The following MAGI1 variants were observed in gnomAD, a reference collection of about 807,000 sequenced individuals.
MAGI1 encodes membrane associated guanylate kinase, WW and PDZ domain containing 1.
MAGI1 carries 58 observed loss-of-function variants against 139.9 expected under a neutral mutation model. The ratio of observed to expected loss-of-function variants is 0.41; its 90% CI spans 0.34 to 0.52. The LOEUF (loss-of-function observed/expected upper bound fraction) is 0.52, where lower values mean the gene tolerates loss of function less well. Among genes scored for constraint, MAGI1 ranks in the 20% least tolerant of loss-of-function variants. The pLI is 0.12. For synonymous variants in MAGI1, 812 were observed against 737.9 expected (o/e 1.10, Z -1.63); for missense variants, 1,874 against 1,901.6 (o/e 0.99, Z 0.27).
At chr3:65,890,507 T>G (rs1211263213) in intron 1 of MAGI1, among the ~76,000 whole-genome samples, 1 of 152,194 alleles carries the variant, frequency 6.6e-6, no homozygotes, top group African/African-American at 2.4e-5. Context: ...TCAACAATAT[T>G]TTTCTCATTT....
chr3:65,819,430 C>T (rs890802970), intron 1 of MAGI1, among the ~76,000 whole-genome samples: 2 of 152,190 alleles, frequency 1.3e-5, no homozygotes, highest in Admixed American at 1.3e-4. Context: ...TCCACCCTCA[C>T]ATTGGTCATC....
intron 1 of MAGI1, among the ~76,000 whole-genome samples, chr3:65,680,645 T>C (rs2087520616): frequency 6.6e-6 from 1 of 152,150 alleles, no homozygotes; most frequent in Non-Finnish European, 1.5e-5. Flanking sequence ...GGTCTTGAAC[T>C]CCTGAACTCA....
chr3:65,799,367 C>G (rs1227294743), intron 1 of MAGI1, among the ~76,000 whole-genome samples: 1 of 152,160 alleles, frequency 6.6e-6, no homozygotes, highest in Non-Finnish European at 1.5e-5. Context: ...AAGACTTCAG[C>G]AAGGGATCCC....
intron 1 of MAGI1, among the ~76,000 whole-genome samples, chr3:65,972,152 G>GA (rs1253166369): frequency 6.6e-6 from 1 of 152,156 alleles, no homozygotes; most frequent in Non-Finnish European, 1.5e-5. Flanking sequence ...TCTCTCATTT[G>GA]AAAAACTGAC....
chr3:65,429,487 A>G (rs766432158), intron 12 of MAGI1, 33 bp downstream of exon 12: 1 of 1,546,178 alleles, frequency 6.5e-7, no homozygotes, highest in Non-Finnish European at 8.7e-7. Context: ...TGGGATAAAA[A>G]AAAAATTCAA....
intron 2 of MAGI1, among the ~76,000 whole-genome samples, chr3:65,513,198 T>C: frequency 1.0e-4 from 2 of 19,472 alleles, no homozygotes. Flanking sequence ...ACAGCCAATA[T>C]CATACTGAAT....
intron 1 of MAGI1, among the ~76,000 whole-genome samples, chr3:65,735,694 G>A (rs2107755661): frequency 6.6e-6 from 1 of 152,168 alleles, no homozygotes; most frequent in Non-Finnish European, 1.5e-5. Flanking sequence ...ACCTACTGAA[G>A]ACAAAAAGAA....
intron 12 of MAGI1, among the ~76,000 whole-genome samples, chr3:65,408,037 G>C (rs748050793): frequency 4.6e-5 from 7 of 152,286 alleles, no homozygotes; most frequent in South Asian, 2.1e-4. Context: ...CTCAAGCAAA[G>C]CTGCACAGAA....
At chr3:65,488,084 G>T (rs1951741689) in intron 3 of MAGI1, among the ~76,000 whole-genome samples, 1 of 152,154 alleles carries the variant, frequency 6.6e-6, no homozygotes, top group African/African-American at 2.4e-5. Flanking sequence ...GGGTGTGCTT[G>T]CTTCCCCTCC....
At chr3:65,710,456 T>C (rs187009417) in intron 1 of MAGI1, among the ~76,000 whole-genome samples, 1 of 151,886 alleles carries the variant, frequency 6.6e-6, no homozygotes, top group East Asian at 1.9e-4. Context: ...AATTTTGTAT[T>C]TTTAGTAGAG....
chr3:65,966,442 C>A (rs2064745314), intron 1 of MAGI1, among the ~76,000 whole-genome samples: 1 of 152,154 alleles, frequency 6.6e-6, no homozygotes, highest in African/African-American at 2.4e-5. Context: ...TCACAGAAAT[C>A]TCTGCCACCT....
At chr3:65,829,876 C>T (rs891038276) in intron 1 of MAGI1, among the ~76,000 whole-genome samples, 1 of 152,176 alleles carries the variant, frequency 6.6e-6, no homozygotes, top group Non-Finnish European at 1.5e-5. Flanking sequence ...AATGGCAAAA[C>T]TATGGCATGG....
chr3:65,473,910 C>T (rs758398573), intron 4 of MAGI1, among the ~76,000 whole-genome samples: 11 of 151,308 alleles, frequency 7.3e-5, no homozygotes, highest in African/African-American at 2.7e-4. Context: ...CACAGACACA[C>T]GGCAGACTCA....
intron 3 of MAGI1, among the ~76,000 whole-genome samples, chr3:65,486,833 G>A (rs1575969303): frequency 6.6e-6 from 1 of 152,252 alleles, no homozygotes; most frequent in East Asian, 1.9e-4. Flanking sequence ...TCAGGATGGA[G>A]TCCCTGCCCG....
At chr3:65,977,773 G>A (rs890780712) in intron 1 of MAGI1, among the ~76,000 whole-genome samples, 2 of 151,546 alleles carry the variant, frequency 1.3e-5, no homozygotes, top group African/African-American at 2.4e-5. Context: ...AGGCCCTACA[G>A]GCCTCCATCT....
In MAGI1 at chr3:65,429,710, G is replaced by A. The variant is rs763699163; in HGVS notation, c.1977C>T (p.Asp659=). 5 of 1,613,822 alleles carry A rather than the reference G, an allele frequency of 3.1e-6. No homozygotes were observed. In the East Asian group the frequency reaches 8.9e-5, roughly 29 times the overall value. Residue 659 remains aspartate, a synonymous_variant, in exon 12 of 23, where the codon GAC becomes GAT. Coordinates refer to ENST00000402939, the MANE Select transcript of MAGI1 (RefSeq NM_001033057.2). The part of the protein sequence containing the change: ...GPMGFGFTIA[D]SPGGGGQRVK... ...CTCTTTGGCCACCCCCACCAGGACT[G>A]TCTGCGATAGTAAAACCAAAGCCCA...
At chr3:65,805,858 G>A (rs1249650288) in intron 1 of MAGI1, among the ~76,000 whole-genome samples, 1 of 152,150 alleles carries the variant, frequency 6.6e-6, no homozygotes, top group African/African-American at 2.4e-5. Flanking sequence ...AACACCGCAT[G>A]TTCTCACTCA....
At chr3:65,604,639 A>C (rs891921424) in intron 2 of MAGI1, among the ~76,000 whole-genome samples, 27 of 152,282 alleles carry the variant, frequency 1.8e-4, no homozygotes, top group African/African-American at 6.3e-4. Flanking sequence ...CATATAAGAA[A>C]AAAGAAACCA....
chr3:66,037,289 G>A (rs1454720047), intron 1 of MAGI1, among the ~76,000 whole-genome samples: 3 of 152,188 alleles, frequency 2.0e-5, no homozygotes, highest in Non-Finnish European at 4.4e-5. Context: ...ATGAATAGTA[G>A]CTTCATTTTC....
Sources: allele counts gnomAD v4.1 joint callset (sites outside exome capture counted in the v4.1 genomes callset), GRCh38; gene constraint gnomAD v4.1.1; transcripts MANE v1.5; gene names NCBI Gene and HGNC (gene_info 2026-07-23, HGNC 2026-07-21).